DMRT1: variants seen among roughly 807,000 people sequenced by gnomAD.
The protein encoded by DMRT1 is doublesex and mab-3 related transcription factor 1, also known as doublesex- and mab-3-related transcription factor 1.
DMRT1 carries 7 observed loss-of-function variants against 32.3 expected under a neutral mutation model. The ratio of observed to expected loss-of-function variants is 0.22; its 90% CI spans 0.12 to 0.41. The LOEUF is 0.41. Among genes scored for constraint, DMRT1 ranks in the 10% least tolerant of loss-of-function variants. The pLI is 1.00. For synonymous variants in DMRT1, 278 were observed against 206.1 expected, an observed-to-expected ratio of 1.35 and a Z score of -2.99; for missense variants, 625 against 500.5, an observed-to-expected ratio of 1.25 and a Z score of -2.37.
At chr9:894,241 A>C in intron 3 of DMRT1, 46 bp downstream of exon 3, 1 of 1,598,706 alleles carries the variant, frequency 6.3e-7, no homozygotes, top group Non-Finnish European at 8.6e-7. Flanking sequence ...TGTGAAAGCC[A>C]CATGCATGTG....
At chr9:875,361 G>C (rs1816452287) in intron 2 of DMRT1, among the ~76,000 whole-genome samples, 1 of 152,262 alleles carries the variant, frequency 6.6e-6, no homozygotes, top group East Asian at 1.9e-4. Flanking sequence ...CCAGACCTGG[G>C]CCCGACAGCT....
chr9:887,720 C>T (rs189377724), intron 2 of DMRT1, among the ~76,000 whole-genome samples: 1 of 152,250 alleles, frequency 6.6e-6, no homozygotes, highest in Non-Finnish European at 1.5e-5. Context: ...CATCACTCAC[C>T]GTGGCCTTTT....
At chr9:967,470 C>G (rs182200493) in intron 4 of DMRT1, among the ~76,000 whole-genome samples, 4 of 152,144 alleles carry the variant, frequency 2.6e-5, no homozygotes, top group African/African-American at 9.7e-5. Context: ...CCCTTTCCCC[C>G]GTCTTTGTCC....
At chr9:935,731 C>T (rs1183571495) in intron 4 of DMRT1, among the ~76,000 whole-genome samples, 2 of 152,188 alleles carry the variant, frequency 1.3e-5, no homozygotes, top group African/African-American at 4.8e-5. Context: ...AATTACACCC[C>T]CTCCAGACCC....
At chr9:894,679 A>G (rs1817283619) in intron 3 of DMRT1, 1 of 247,046 alleles carries the variant, frequency 4.0e-6, no homozygotes, top group Non-Finnish European at 7.9e-6. Context: ...GAAACAGGTC[A>G]TAATCTGTAT....
At chr9:871,895 C>T (rs1002366571) in intron 2 of DMRT1, among the ~76,000 whole-genome samples, 1 of 151,368 alleles carries the variant, frequency 6.6e-6, no homozygotes, top group Non-Finnish European at 1.5e-5. Flanking sequence ...GAGTTTAAAA[C>T]GATGGCCCTT....
intron 2 of DMRT1, among the ~76,000 whole-genome samples, chr9:860,405 TGAATTC>T (rs1365289486): frequency 7.5e-6 from 1 of 133,102 alleles, no homozygotes; most frequent in Non-Finnish European, 1.8e-5. Context: ...TGAATTGAAT[TGAATTC>T]ATCTCTGCTG....
intron 4 of DMRT1, among the ~76,000 whole-genome samples, chr9:940,025 C>G (rs117017255): frequency 6.6e-6 from 1 of 151,920 alleles, no homozygotes; most frequent in Non-Finnish European, 1.5e-5. Context: ...CACTTTACAC[C>G]CATTAGAAAG....
chr9:948,684 C>G (rs1360462671), intron 4 of DMRT1, among the ~76,000 whole-genome samples: 1 of 152,056 alleles, frequency 6.6e-6, no homozygotes, highest in Non-Finnish European at 1.5e-5. Flanking sequence ...CAGAATCTGC[C>G]AGGCAGCAAA....
intron 3 of DMRT1, among the ~76,000 whole-genome samples, chr9:911,427 G>GTTTGAAAT (rs1817976430): frequency 7.8e-6 from 1 of 129,002 alleles, no homozygotes; most frequent in South Asian, 2.7e-4. Context: ...AAGTAATTTA[G>GTTTGAAAT]TTTGAAATTG....
intron 4 of DMRT1, among the ~76,000 whole-genome samples, chr9:967,632 T>A (rs1054466238): frequency 6.6e-6 from 1 of 152,198 alleles, no homozygotes; most frequent in Non-Finnish European, 1.5e-5. Context: ...TTGACAAGTT[T>A]CATCAGCATA....
At chr9:842,436 A>C in intron 1 of DMRT1, 1 of 554,156 alleles carries the variant, frequency 1.8e-6, no homozygotes, top group Admixed American at 3.2e-5. Flanking sequence ...GGGTTTCACC[A>C]TATTGGTCAG....
At chr9:967,683 G>C (rs1326560454) in intron 4 of DMRT1, among the ~76,000 whole-genome samples, 1 of 152,162 alleles carries the variant, frequency 6.6e-6, no homozygotes, top group Non-Finnish European at 1.5e-5. Flanking sequence ...GGTGGAAATA[G>C]TTTCCCAAAG....
intron 4 of DMRT1, among the ~76,000 whole-genome samples, chr9:943,600 A>C (rs1819148046): frequency 6.6e-6 from 1 of 152,130 alleles, no homozygotes; most frequent in Admixed American, 6.5e-5. Context: ...AATTATTTTT[A>C]TTTCCTTAAA....
At chr9:882,612 G>C (rs1266461506) in intron 2 of DMRT1, among the ~76,000 whole-genome samples, 3 of 152,002 alleles carry the variant, frequency 2.0e-5, no homozygotes, top group African/African-American at 7.3e-5. Flanking sequence ...GGGCTTTTCA[G>C]TAGCCCCAGG....
intron 4 of DMRT1, among the ~76,000 whole-genome samples, chr9:922,630 C>G (rs1818391768): frequency 6.6e-6 from 1 of 152,194 alleles, no homozygotes; most frequent in Admixed American, 6.5e-5. Context: ...AGGTAATACA[C>G]TTAGATATTT....
At chr9:883,130 G>A (rs894330339) in intron 2 of DMRT1, among the ~76,000 whole-genome samples, 1 of 151,456 alleles carries the variant, frequency 6.6e-6, no homozygotes, top group Non-Finnish European at 1.5e-5. Flanking sequence ...CCTGCCATCT[G>A]TCCCACATTG....
chr9:871,234 C>T (rs1159429543), intron 2 of DMRT1, among the ~76,000 whole-genome samples: 1 of 151,174 alleles, frequency 6.6e-6, no homozygotes, highest in African/African-American at 2.4e-5. Flanking sequence ...TGCCACGTTG[C>T]CCAGGCTAGT....
chr9:956,134 C>G (rs1433320483), intron 4 of DMRT1, among the ~76,000 whole-genome samples: 2 of 152,132 alleles, frequency 1.3e-5, no homozygotes, highest in Non-Finnish European at 1.5e-5. Context: ...ATGGATGAAA[C>G]TTGAGAACGT....
Sources: gnomAD v4.1 joint callset for allele counts (sites outside exome capture counted in the v4.1 genomes callset) on GRCh38, gnomAD v4.1.1 for gene constraint, MANE v1.5 for transcripts, NCBI Gene and HGNC (gene_info 2026-07-23, HGNC 2026-07-21) for gene names.